RNF150: variants seen among roughly 807,000 people sequenced by gnomAD.
RNF150 encodes the protein ring finger protein 150.
Under a neutral mutation model 39.3 loss-of-function variants are expected in RNF150, and 24 were observed. The ratio of observed to expected loss-of-function variants is 0.61; its 90% confidence interval spans 0.44 to 0.86. The LOEUF is 0.86. Ranked by LOEUF, RNF150 falls within the 40% of genes least tolerant of loss-of-function variation. The probability of loss-of-function intolerance (pLI) is 0.00; values close to 1 mark genes in which losing one functional copy is unlikely to be tolerated. For synonymous variants in RNF150, 255 were observed against 227.3 expected, an observed-to-expected ratio of 1.12 and a Z score of -1.10; for missense variants, 502 against 587.8, an observed-to-expected ratio of 0.85 and a Z score of 1.51.
At chr4:141,049,395 G>T (rs1736697263) in intron 1 of RNF150, among the ~76,000 whole-genome samples, 1 of 151,734 alleles carries the variant, frequency 6.6e-6, no homozygotes, top group Non-Finnish European at 1.5e-5. Flanking sequence ...AAAAGCTTAG[G>T]GGAAGAAAAA....
chr4:141,189,157 T>G (rs1728063690), intron 1 of RNF150, among the ~76,000 whole-genome samples: 1 of 147,074 alleles, frequency 6.8e-6, no homozygotes, highest in Non-Finnish European at 1.6e-5. Context: ...TCTGCTGGAG[T>G]TTGCTGCAGG....
At chr4:141,201,162 T>C (rs1472023993) in intron 1 of RNF150, among the ~76,000 whole-genome samples, 41 of 152,012 alleles carry the variant, frequency 2.7e-4, no homozygotes, top group Non-Finnish European at 8.8e-5. Context: ...AGCAGACGAA[T>C]GTTCTGGGAC....
chr4:141,124,021 C>T (rs1726686102), intron 1 of RNF150, among the ~76,000 whole-genome samples: 1 of 152,178 alleles, frequency 6.6e-6, no homozygotes, highest in Admixed American at 6.5e-5. Flanking sequence ...TCAGGACCTA[C>T]ATGGCTAATA....
At chr4:141,156,528 A>G (rs1727403072) in intron 1 of RNF150, among the ~76,000 whole-genome samples, 2 of 151,924 alleles carry the variant, frequency 1.3e-5, no homozygotes, top group Admixed American at 6.6e-5. Flanking sequence ...TGATCTTCCT[A>G]TCTCAGCCTC....
intron 1 of RNF150, among the ~76,000 whole-genome samples, chr4:141,181,842 C>T (rs1406613753): frequency 6.6e-6 from 1 of 152,154 alleles, no homozygotes; most frequent in South Asian, 2.1e-4. Flanking sequence ...TATATTTATA[C>T]AGACAGACCC....
At position 141,039,638 on chromosome 4, in the gene RNF150, C is replaced by G. The variant is rs71608425; in HGVS notation, c.485-71765G>C. ...CTGAGACAGGCAGGGTGGTTGATTC[C>G]CTATTTTAAGATGGTCTGGAGGAAA... On this transcript the variant is annotated intron_variant, in intron 1 of 6. Coordinates refer to ENST00000515673, the MANE Select transcript of RNF150 (RefSeq NM_020724.2). Among the ~76,000 whole-genome samples, 758 of 152,120 alleles carry G rather than the reference C, an allele frequency of 5.0e-3. 5 individuals are homozygous for G. Among genetic ancestry groups the G allele is most frequent in the Non-Finnish European group, 9.2e-3 (623 of 68,006 alleles).
chr4:140,919,863 A>T (rs1731030061), intron 5 of RNF150, among the ~76,000 whole-genome samples: 1 of 152,180 alleles, frequency 6.6e-6, no homozygotes, highest in Non-Finnish European at 1.5e-5. Context: ...AACAGAACAG[A>T]GCCCTCAGAA....
In RNF150 at chr4:140,860,285, T is replaced by C. The variant is rs1332521713; in HGVS notation, c.*7976A>G. 2 of 152,172 alleles carry C rather than the reference T, an allele frequency of 1.3e-5. No homozygotes were observed. Among genetic ancestry groups the C allele is most frequent in the Non-Finnish European group, 2.9e-5 (2 of 68,026 alleles). 9.4% of individuals were successfully genotyped at this position (152,172 alleles called of 1,614,324 possible). The stretch of plus-strand genomic sequence containing the variant: ...ACACTGCCTTAACTAATCATCTCAA[T>C]ATGCACACAACTTTGTACAGAAGAT... On this transcript the variant is annotated 3_prime_UTR_variant, in exon 7 of 7. Coordinates refer to ENST00000515673, the MANE Select transcript of RNF150 (RefSeq NM_020724.2).
intron 1 of RNF150, among the ~76,000 whole-genome samples, chr4:141,122,849 A>T (rs1560749696): frequency 6.6e-6 from 1 of 152,254 alleles, no homozygotes. Flanking sequence ...TATATAGCAT[A>T]TGTATTTCAT....
chr4:140,888,582 C>G (rs1729656280), intron 6 of RNF150, among the ~76,000 whole-genome samples: 1 of 152,118 alleles, frequency 6.6e-6, no homozygotes, highest in Non-Finnish European at 1.5e-5. Flanking sequence ...AAAAGAGATA[C>G]AAATGAGGTA....
At chr4:140,902,921 G>A (rs1730239803) in intron 6 of RNF150, among the ~76,000 whole-genome samples, 1 of 152,166 alleles carries the variant, frequency 6.6e-6, no homozygotes, top group Admixed American at 6.5e-5. Context: ...TCTTAAGAAT[G>A]TGGCTCGGGG....
intron 1 of RNF150, among the ~76,000 whole-genome samples, chr4:140,972,695 C>G (rs1350244957): frequency 1.3e-5 from 2 of 152,130 alleles, no homozygotes; most frequent in Non-Finnish European, 2.9e-5. Flanking sequence ...AGTGTGTGCT[C>G]TCCAGGTCCC....
chr4:140,911,373 A>G lies in RNF150; in HGVS notation c.988-19T>C. On this transcript the variant is annotated intron_variant, in intron 5 of 6. Coordinates refer to ENST00000515673, the MANE Select transcript of RNF150 (RefSeq NM_020724.2). Reference sequence around the variant, plus strand: ...CATTGGGCTGATGGGGCAGAAAAAGATCTGTTCTCAGTACATGTCATCCAC... The same window carrying G: ...CATTGGGCTGATGGGGCAGAAAAAGGTCTGTTCTCAGTACATGTCATCCAC... The G allele has an allele frequency of 6.2e-7, 1 of 1,607,880 alleles. No homozygotes were observed. Among genetic ancestry groups the G allele is most frequent in the Non-Finnish European group, 8.5e-7 (1 of 1,174,836 alleles).
intron 1 of RNF150, among the ~76,000 whole-genome samples, chr4:141,003,466 G>T (rs545266001): frequency 6.6e-6 from 1 of 151,938 alleles, no homozygotes; most frequent in South Asian, 2.1e-4. Context: ...AACATAAATG[G>T]CTTCTACTTT....
rs896916503 is a variant in RNF150 at position 141,000,106 on chromosome 4, A to G, written c.485-32233T>C. Among the ~76,000 whole-genome samples the G allele has an allele frequency of 1.1e-4, 16 of 144,416 alleles. 1 individual carries two copies. Among genetic ancestry groups the G allele is most frequent in the Admixed American group, 2.8e-4 (4 of 14,382 alleles). 94.7% of individuals were successfully genotyped at this position (144,416 alleles called of 152,430 possible). On this transcript the variant is annotated intron_variant, in intron 1 of 6. Coordinates refer to ENST00000515673, the MANE Select transcript of RNF150 (RefSeq NM_020724.2). ...AAGAAGGAGAAGAAGAAGAAGAAGA[A>G]GAGGAGGAAGAAGAAGAAGAAGAAA...
chr4:141,046,777 C>A lies in RNF150; in HGVS notation c.485-78904G>T, dbSNP rs563137869. Reference sequence around the variant, plus strand: ...AGAGTGCCTCCCTCATACGATCTCACAATTATTGGGCCTAGGTAAGAGGAG... The same window carrying A: ...AGAGTGCCTCCCTCATACGATCTCAAAATTATTGGGCCTAGGTAAGAGGAG... On this transcript the variant is annotated intron_variant, in intron 1 of 6. Coordinates refer to ENST00000515673, the MANE Select transcript of RNF150 (RefSeq NM_020724.2). Among the ~76,000 whole-genome samples the A allele has an allele frequency of 3.3e-5, 5 of 152,196 alleles. No individual in the cohort carries two copies. The East Asian group carries it at 9.7e-4, about 29-fold the overall frequency.
intron 1 of RNF150, among the ~76,000 whole-genome samples, chr4:140,992,255 A>G (rs56380343): frequency 6.6e-6 from 1 of 151,952 alleles, no homozygotes; most frequent in African/African-American, 2.4e-5. Flanking sequence ...TAATGCACCC[A>G]GCACTTTGGG....
intron 1 of RNF150, among the ~76,000 whole-genome samples, chr4:141,150,139 G>A (rs1439740595): frequency 6.6e-6 from 1 of 152,170 alleles, no homozygotes; most frequent in African/African-American, 2.4e-5. Flanking sequence ...AACAAAAATG[G>A]TGGGAAAATA....
chr4:141,168,016 A>G (rs958715980), intron 1 of RNF150, among the ~76,000 whole-genome samples: 15 of 152,188 alleles, frequency 9.9e-5, no homozygotes, highest in Non-Finnish European at 2.2e-4. Flanking sequence ...AACCTACAGA[A>G]TGGGAGAAAA....
Sources: gnomAD v4.1 joint callset for allele counts (sites outside exome capture counted in the v4.1 genomes callset) on GRCh38, gnomAD v4.1.1 for gene constraint, MANE v1.5 for transcripts, NCBI Gene and HGNC (gene_info 2026-07-23, HGNC 2026-07-21) for gene names.